Variants in SPIDR observed in about 807,000 individuals in gnomAD.
SPIDR encodes DNA repair-scaffolding protein.
A neutral mutation model predicts 104.6 loss-of-function variants in SPIDR; 93 were observed. That is an observed-to-expected ratio of 0.89 (90% CI 0.75 to 1.06). The LOEUF (loss-of-function observed/expected upper bound fraction) is 1.06. Among genes scored for constraint, SPIDR ranks in the 50% least tolerant of loss-of-function variants. The pLI, the probability that SPIDR is intolerant of heterozygous loss-of-function variation, is 0.00. For synonymous variants in SPIDR, 431 were observed against 416.9 expected (o/e 1.03, Z -0.41); for missense variants, 1,154 against 1,111.2 (o/e 1.04, Z -0.55).
At chr8:47,290,026 A>C (rs1388020573) in intron 3 of SPIDR, among the ~76,000 whole-genome samples, 1 of 152,154 alleles carries the variant, frequency 6.6e-6, no homozygotes, top group Non-Finnish European at 1.5e-5. Flanking sequence ...TAGTGATTTT[A>C]TTTATATAAC....
intron 8 of SPIDR, among the ~76,000 whole-genome samples, chr8:47,478,790 A>AAT (rs2154360720): frequency 6.6e-6 from 1 of 152,330 alleles, no homozygotes; most frequent in East Asian, 1.9e-4. Context: ...ATTGGCTATG[A>AAT]AGTGTGTAAC....
chr8:47,347,050 T>G (rs1382154152), intron 5 of SPIDR, among the ~76,000 whole-genome samples: 1 of 152,214 alleles, frequency 6.6e-6, no homozygotes, highest in Non-Finnish European at 1.5e-5. Context: ...GATGTTAGGG[T>G]GTCGATTTTA....
intron 5 of SPIDR, among the ~76,000 whole-genome samples, chr8:47,307,786 G>A (rs1267832979): frequency 2.6e-5 from 4 of 151,542 alleles, no homozygotes; most frequent in Non-Finnish European, 4.4e-5. Context: ...TGATCTTCCC[G>A]CCTTGGCCTT....
chr8:47,454,597 C>T (rs746698277), intron 8 of SPIDR, among the ~76,000 whole-genome samples: 9 of 151,912 alleles, frequency 5.9e-5, no homozygotes, highest in Non-Finnish European at 1.0e-4. Context: ...AACAAACCTG[C>T]ACATGGTATA....
In SPIDR at chr8:47,604,080, A is replaced by C. The variant is rs539904276; in HGVS notation, c.1544+4884A>C. ...ATAGTTCTAGTGGGAGATCCCACAC[A>C]AAATACTTTACAACAAATGCATTTA... On this transcript the variant is annotated intron_variant, in intron 10 of 19. Coordinates refer to ENST00000297423, the MANE Select transcript of SPIDR (RefSeq NM_001080394.4). 2.0e-5 allele frequency among the ~76,000 whole-genome samples: 3 copies of C among 152,350 alleles called. 1 individual carries two copies. The highest frequency in any genetic ancestry group is 7.2e-5 in the African/African-American group (3 of 41,586).
At chr8:47,601,146 AG>A (rs1202773419) in intron 10 of SPIDR, among the ~76,000 whole-genome samples, 1 of 152,230 alleles carries the variant, frequency 6.6e-6, no homozygotes, top group African/African-American at 2.4e-5. Context: ...GACTGAAAGA[AG>A]GCCAGGCATG....
At chr8:47,550,504 AG>A (rs1177418779) in intron 8 of SPIDR, among the ~76,000 whole-genome samples, 1 of 152,068 alleles carries the variant, frequency 6.6e-6, no homozygotes, top group Non-Finnish European at 1.5e-5. Context: ...TTGGATTCCT[AG>A]GTTTTTTATT....
intron 10 of SPIDR, among the ~76,000 whole-genome samples, chr8:47,625,614 T>A (rs2065938781): frequency 6.6e-6 from 1 of 152,042 alleles, no homozygotes; most frequent in South Asian, 2.1e-4. Flanking sequence ...GAGAGCCAAA[T>A]CATGAGTGAA....
At chr8:47,728,689 T>G in intron 17 of SPIDR, 1 of 367,986 alleles carries the variant, frequency 2.7e-6, no homozygotes, top group Non-Finnish European at 4.9e-6. Flanking sequence ...AGGCTCAGCA[T>G]CCCCTCCTCT....
At chr8:47,266,516 G>A (rs1386523191) in intron 1 of SPIDR, among the ~76,000 whole-genome samples, 1 of 152,150 alleles carries the variant, frequency 6.6e-6, no homozygotes, top group African/African-American at 2.4e-5. Flanking sequence ...TATTATTGAA[G>A]GACCTCTAGG....
rs191962800 is a variant in SPIDR at position 47,418,648 on chromosome 8, A to G, written c.877+10687A>G. ...CCTGATTGCCCTGGCCAGAACTTCCAACACTATGTTGAATAGGAGTGGTGA... is the reference window on the plus strand; with the variant it reads ...CCTGATTGCCCTGGCCAGAACTTCCGACACTATGTTGAATAGGAGTGGTGA... On this transcript the variant is annotated intron_variant, in intron 7 of 19. Transcript: ENST00000297423. Among the ~76,000 whole-genome samples, 344 of 152,310 alleles carry G rather than the reference A, an allele frequency of 2.3e-3. 6 individuals carry two copies. The highest frequency in any genetic ancestry group is 0.018 in the Admixed American group (275 of 15,304).
intron 8 of SPIDR, among the ~76,000 whole-genome samples, chr8:47,564,847 T>C (rs2057574097): frequency 6.6e-6 from 1 of 152,238 alleles, no homozygotes; most frequent in African/African-American, 2.4e-5. Flanking sequence ...AAATATTTCC[T>C]TGTTCAACTT....
intron 8 of SPIDR, among the ~76,000 whole-genome samples, chr8:47,504,368 A>C (rs1277873762): frequency 1.3e-5 from 2 of 151,358 alleles, no homozygotes; most frequent in African/African-American, 4.9e-5. Context: ...TTCTCTTCTC[A>C]CTTCATTTCA....
rs533147401 is a variant in SPIDR at position 47,642,410 on chromosome 8, C to T, written c.1545-31391C>T. Among the ~76,000 whole-genome samples the T allele has an allele frequency of 1.8e-4, 25 of 142,018 alleles. No homozygotes were observed. In the South Asian group the frequency reaches 2.9e-3, roughly 16 times the overall value. The allele number at this position is 142,018 out of a possible 152,430, so 93.2% of individuals were successfully genotyped here. ...CAGCCTGGGCGACAGAGCGAGACTCCGTCTCAAAAAAAAAAAAAAAAAGAA... is the reference window on the plus strand; with the variant it reads ...CAGCCTGGGCGACAGAGCGAGACTCTGTCTCAAAAAAAAAAAAAAAAAGAA... On this transcript the variant is annotated intron_variant, in intron 10 of 19. Transcript: ENST00000297423.
Position 47,705,100 on chromosome 8 carries a change from G to T in SPIDR, c.1977+3085G>T, listed in dbSNP as rs78739943. Among the ~76,000 whole-genome samples the T allele has an allele frequency of 3.9e-3, 592 of 152,344 alleles. 17 individuals are homozygous for T. In the East Asian group the frequency reaches 0.061, roughly 16 times the overall value. ...TAACACTCCTGCCCACGGCCCTCTG[G>T]CTGAGACCGAGGTTGAAAGTAAAGA... On this transcript the variant is annotated intron_variant, in intron 14 of 19. Coordinates refer to ENST00000297423, the MANE Select transcript of SPIDR (RefSeq NM_001080394.4).
At chr8:47,658,384 C>A (rs1375447892) in intron 10 of SPIDR, among the ~76,000 whole-genome samples, 2 of 151,092 alleles carry the variant, frequency 1.3e-5, no homozygotes, top group Non-Finnish European at 2.9e-5. Context: ...CGCCATTGCA[C>A]TCCAGCCTGG....
intron 10 of SPIDR, chr8:47,660,950 G>A (rs147266386): frequency 1.0e-6 from 1 of 985,424 alleles, no homozygotes; most frequent in South Asian, 4.7e-5. Context: ...GCACAGAAGA[G>A]ATGCAGGCAC....
chr8:47,717,288 C>G (rs2082721506), intron 16 of SPIDR, among the ~76,000 whole-genome samples: 2 of 152,194 alleles, frequency 1.3e-5, no homozygotes, highest in Admixed American at 1.3e-4. Context: ...CCCCTCAGCT[C>G]TCCCAGAGGC....
intron 7 of SPIDR, among the ~76,000 whole-genome samples, chr8:47,435,326 C>CTGTG (rs4021912): frequency 0.018 from 2,650 of 146,432 alleles, 32 homozygotes; most frequent in Non-Finnish European, 0.026. Flanking sequence ...TTGCTCAGAT[C>CTGTG]TGTGTGTGTG....
Sources: gnomAD v4.1 joint callset for allele counts (sites outside exome capture counted in the v4.1 genomes callset) on GRCh38, gnomAD v4.1.1 for gene constraint, MANE v1.5 for transcripts, NCBI Gene and HGNC (gene_info 2026-07-23, HGNC 2026-07-21) for gene names.